The following SCGB2B2 variants were observed in gnomAD, a reference collection of about 807,000 sequenced individuals.
The protein encoded by SCGB2B2 is secretoglobin family 2B member 2.
SCGB2B2 carries 11 observed loss-of-function variants against 7.6 expected under a neutral mutation model. The ratio of observed to expected loss-of-function variants is 1.45; its 90% CI spans 0.91 to 2.40. SCGB2B2 has a LOEUF of 2.40. SCGB2B2 is among the 30% of genes most tolerant of loss of function. The pLI, the probability that SCGB2B2 is intolerant of heterozygous loss-of-function variation, is 0.00. For missense variants in SCGB2B2, 104 were observed against 115.4 expected, an observed-to-expected ratio of 0.90 and a Z score of 0.45; for synonymous variants, 50 against 48.6, an observed-to-expected ratio of 1.03 and a Z score of -0.12.
At chr19:34,627,588 C>T (rs577701571) in intron 1 of SCGB2B2, among the ~76,000 whole-genome samples, 22 of 152,296 alleles carry the variant, frequency 1.4e-4, no homozygotes, top group African/African-American at 5.3e-4. Context: ...ATATATGCAC[C>T]TAATACAGGA....
intron 3 of SCGB2B2, 25 bp downstream of exon 3, chr19:34,594,150 T>C (rs113834417): frequency 2.5e-6 from 4 of 1,598,700 alleles, no homozygotes; most frequent in African/African-American, 2.7e-5. Context: ...ATGTAGTGTG[T>C]GCAGGTCCCC....
intron 1 of SCGB2B2, among the ~76,000 whole-genome samples, chr19:34,662,454 A>G (rs2067485252): frequency 6.6e-6 from 1 of 152,158 alleles, no homozygotes; most frequent in African/African-American, 2.4e-5. Flanking sequence ...TTCCAAAGGA[A>G]TAAAACCATA....
chr19:34,625,693 G>A (rs2066354151), intron 1 of SCGB2B2, among the ~76,000 whole-genome samples: 1 of 152,194 alleles, frequency 6.6e-6, no homozygotes, highest in Non-Finnish European at 1.5e-5. Context: ...ACCTCTAGGG[G>A]CAGGGCATAT....
chr19:34,661,735 T>C (rs183583451), intron 1 of SCGB2B2, among the ~76,000 whole-genome samples: 20 of 152,322 alleles, frequency 1.3e-4, no homozygotes, highest in East Asian at 1.2e-3. Context: ...TTGTCCAACC[T>C]GCGGCCTGCA....
intron 1 of SCGB2B2, 114 bp from the exon 2 acceptor site, chr19:34,596,708 C>T (rs2065467210): frequency 6.6e-6 from 1 of 152,302 alleles, no homozygotes; most frequent in African/African-American, 2.4e-5. Flanking sequence ...GGGGAAAAGC[C>T]AGGTACAGTG....
downstream of SCGB2B2, among the ~76,000 whole-genome samples, chr19:34,590,227 T>C (rs149390267): frequency 1.0e-3 from 155 of 152,176 alleles, 1 homozygote; most frequent in African/African-American, 3.6e-3. Context: ...ACCTCCAAGG[T>C]CCTGCACAGC....
intron 1 of SCGB2B2, among the ~76,000 whole-genome samples, chr19:34,636,447 G>A (rs1471868442): frequency 3.9e-5 from 6 of 152,222 alleles, no homozygotes; most frequent in Non-Finnish European, 2.9e-5. Flanking sequence ...TTTAGCAGGA[G>A]CTTGTCTGCT....
intron 1 of SCGB2B2, among the ~76,000 whole-genome samples, chr19:34,615,429 G>A (rs1193515610): frequency 6.9e-6 from 1 of 145,200 alleles, no homozygotes; most frequent in African/African-American, 2.5e-5. Flanking sequence ...TGGGACAGTG[G>A]AGGTCCAGCA....
At chr19:34,594,409 G>A (rs561567770) in intron 2 of SCGB2B2, 50 bp from the exon 3 acceptor site, 23 of 1,601,784 alleles carry the variant, frequency 1.4e-5, no homozygotes, top group African/African-American at 1.3e-4. Context: ...AGAATTCAGC[G>A]AAACCTCCCA....
intron 1 of SCGB2B2, among the ~76,000 whole-genome samples, chr19:34,617,114 A>G (rs1182599259): frequency 1.3e-5 from 2 of 152,214 alleles, no homozygotes; most frequent in Non-Finnish European, 2.9e-5. Context: ...GAAGTCAGGT[A>G]GTGTGATGCC....
At position 34,590,919 on chromosome 19, in the gene SCGB2B2, C is replaced by T. The variant is rs758629863; in HGVS notation, c.*2636G>A. On this transcript the variant is annotated 3_prime_UTR_variant, in exon 4 of 4. Coordinates refer to ENST00000601241, the MANE Select transcript of SCGB2B2 (RefSeq NM_001025591.4). ...TATTTATATCAATAACATGTTTGTCCAAATTTCTCAGGGCATTTCTAATTC... is the reference window on the plus strand; with the variant it reads ...TATTTATATCAATAACATGTTTGTCTAAATTTCTCAGGGCATTTCTAATTC... 2.6e-5 allele frequency among the ~76,000 whole-genome samples: 4 copies of T among 152,162 alleles called. No individual in the cohort carries two copies. The highest frequency in any genetic ancestry group is 1.3e-4 in the Admixed American group (2 of 15,280).
chr19:34,661,065 G>A (rs999606519), intron 1 of SCGB2B2, among the ~76,000 whole-genome samples: 3 of 142,360 alleles, frequency 2.1e-5, no homozygotes, highest in African/African-American at 5.1e-5. Context: ...ATAGGTGGGA[G>A]TTGAACAATG....
intron 1 of SCGB2B2, among the ~76,000 whole-genome samples, chr19:34,666,112 C>G (rs983618565): frequency 8.5e-5 from 13 of 152,104 alleles, no homozygotes; most frequent in African/African-American, 2.9e-4. Flanking sequence ...CTGTAGCTGG[C>G]TTTTCCCCTT....
At chr19:34,607,393 G>A (rs575409840) in intron 1 of SCGB2B2, among the ~76,000 whole-genome samples, 2 of 152,042 alleles carry the variant, frequency 1.3e-5, no homozygotes, top group Admixed American at 6.6e-5. Flanking sequence ...CCCTATCTTG[G>A]TGACCATGAA....
At chr19:34,633,999 G>A (rs926647111) in intron 1 of SCGB2B2, among the ~76,000 whole-genome samples, 5 of 152,214 alleles carry the variant, frequency 3.3e-5, no homozygotes, top group South Asian at 2.1e-4. Context: ...TCTCTGTCCC[G>A]TTTCTTGCTT....
chr19:34,673,126 C>T (rs1453345926), intron 1 of SCGB2B2, among the ~76,000 whole-genome samples: 3 of 152,140 alleles, frequency 2.0e-5, no homozygotes, highest in Non-Finnish European at 4.4e-5. Flanking sequence ...TGATTGTAAA[C>T]ACTGCATTAT....
chr19:34,585,583 C>CA, the SCGB2B2 span, among the ~76,000 whole-genome samples: 22 of 152,310 alleles, frequency 1.4e-4, no homozygotes, highest in African/African-American at 3.1e-4. Flanking sequence ...ATGTAGGAGA[C>CA]AGAGTTATCA....
chr19:34,630,301 G>T (rs927728745), intron 1 of SCGB2B2, among the ~76,000 whole-genome samples: 2 of 151,876 alleles, frequency 1.3e-5, no homozygotes, highest in East Asian at 1.9e-4. Context: ...CACAGCAAAA[G>T]AAACTACCAT....
At chr19:34,610,054 CTTTT>C (rs888340187) in intron 1 of SCGB2B2, among the ~76,000 whole-genome samples, 3 of 151,550 alleles carry the variant, frequency 2.0e-5, no homozygotes, top group Admixed American at 6.6e-5. Flanking sequence ...TAAATTTATT[CTTTT>C]TTTTGGTGGC....
Sources: gnomAD v4.1 joint callset for allele counts (sites outside exome capture counted in the v4.1 genomes callset) on GRCh38, gnomAD v4.1.1 for gene constraint, MANE v1.5 for transcripts, NCBI Gene and HGNC (gene_info 2026-07-23, HGNC 2026-07-21) for gene names.